The following CFAP43 variants were observed in gnomAD, a reference collection of about 807,000 sequenced individuals.
The protein encoded by CFAP43 is cilia- and flagella-associated protein 43.
Under a neutral mutation model 218.9 loss-of-function variants are expected in CFAP43, and 155 were observed. The observed-to-expected ratio is 0.71, with a 90% CI of 0.62 to 0.81. CFAP43 has a LOEUF of 0.81. Ranked by LOEUF, CFAP43 falls within the 30% of genes least tolerant of loss-of-function variation. The pLI is 0.00. For synonymous variants in CFAP43, 645 were observed against 681.3 expected (o/e 0.95, Z 0.83); for missense variants, 1,778 against 1,954.3 (o/e 0.91, Z 1.70).
intron 19 of CFAP43, among the ~76,000 whole-genome samples, chr10:104,175,195 G>A (rs1272184283): frequency 6.6e-6 from 1 of 152,192 alleles, no homozygotes. Context: ...AGCACTTTGG[G>A]AGGCCAAGGC....
chr10:104,137,207 A>G (rs1005368056), intron 34 of CFAP43, among the ~76,000 whole-genome samples: 1 of 152,240 alleles, frequency 6.6e-6, no homozygotes, highest in Non-Finnish European at 1.5e-5. Flanking sequence ...AAAGGTGGAA[A>G]TAGCCCAAAT....
intron 16 of CFAP43, among the ~76,000 whole-genome samples, chr10:104,184,635 A>G (rs1276921724): frequency 6.6e-6 from 1 of 151,996 alleles, no homozygotes; most frequent in East Asian, 1.9e-4. Context: ...GGCTTTCACA[A>G]TCGGGGCCAC....
At chr10:104,136,095 C>CA (rs1420760010) in intron 34 of CFAP43, among the ~76,000 whole-genome samples, 2 of 151,144 alleles carry the variant, frequency 1.3e-5, no homozygotes, top group African/African-American at 4.9e-5. Flanking sequence ...ACTAAAAATA[C>CA]AAAAATTAGC....
chr10:104,166,416 C>A, intron 23 of CFAP43, 72 bp downstream of exon 23: 1 of 1,084,634 alleles, frequency 9.2e-7, no homozygotes, highest in South Asian at 1.6e-5. Context: ...CATTTGTTTT[C>A]AATGTGAGGC....
intron 3 of CFAP43, among the ~76,000 whole-genome samples, chr10:104,217,207 G>A (rs904845837): frequency 2.0e-5 from 3 of 152,128 alleles, no homozygotes. Flanking sequence ...TCACAATGAG[G>A]ACCTAATATT....
At position 104,193,818 on chromosome 10, in the gene CFAP43, A is replaced by G. The variant is rs1383303703; in HGVS notation, c.1442+48T>C. ...AAGGATGGCTTCACTAGAATTTTCAACAGACGGGTGTGACACGGAGCCGCT... is the reference window on the plus strand; with the variant it reads ...AAGGATGGCTTCACTAGAATTTTCAGCAGACGGGTGTGACACGGAGCCGCT... On this transcript the variant is annotated intron_variant, in intron 11 of 37. Transcript: ENST00000357060. The G allele has an allele frequency of 2.5e-6, 4 of 1,575,728 alleles. No homozygotes were observed. The East Asian group carries it at 9.0e-5, about 36-fold the overall frequency.
chr10:104,137,584 G>A (rs193165696), intron 34 of CFAP43, among the ~76,000 whole-genome samples: 2 of 152,250 alleles, frequency 1.3e-5, no homozygotes, highest in Admixed American at 6.5e-5. Context: ...AAGGCAGGAG[G>A]ATCGCTTGAG....
chr10:104,175,471 C>T (rs1184306799), intron 19 of CFAP43, among the ~76,000 whole-genome samples: 1 of 152,124 alleles, frequency 6.6e-6, no homozygotes, highest in South Asian at 2.1e-4. Flanking sequence ...ACAGATGCTC[C>T]TCAACTTATG....
At chr10:104,144,158 T>C (rs1321292174) in intron 31 of CFAP43, among the ~76,000 whole-genome samples, 5 of 152,196 alleles carry the variant, frequency 3.3e-5, no homozygotes, top group Non-Finnish European at 7.3e-5. Flanking sequence ...ATCATCCCCA[T>C]TCTCTAGATG....
At chr10:104,133,415 G>T in intron 35 of CFAP43, 1 of 476,270 alleles carries the variant, frequency 2.1e-6, no homozygotes, top group Non-Finnish European at 3.6e-6. Flanking sequence ...GCTCTGAGTA[G>T]AATGATTCTA....
chr10:104,159,418 T>C (rs1161712009), intron 27 of CFAP43, among the ~76,000 whole-genome samples: 3 of 152,160 alleles, frequency 2.0e-5, no homozygotes, highest in African/African-American at 4.8e-5. Flanking sequence ...TATACAATTA[T>C]AGCATGTGTC....
At chr10:104,230,395 G>T (rs1461875542) in intron 2 of CFAP43, among the ~76,000 whole-genome samples, 195 bp downstream of exon 2, 1 of 152,084 alleles carries the variant, frequency 6.6e-6, no homozygotes, top group Non-Finnish European at 1.5e-5. Context: ...AACCTGGGAG[G>T]CAGAGATTGC....
At chr10:104,159,917 G>T (rs187095111) in intron 27 of CFAP43, among the ~76,000 whole-genome samples, 1 of 152,116 alleles carries the variant, frequency 6.6e-6, no homozygotes, top group Non-Finnish European at 1.5e-5. Context: ...ATGCAGATTC[G>T]CATTCAAGTG....
In CFAP43 at chr10:104,203,918, A is replaced by T. The variant is rs543837032; in HGVS notation, c.964-115T>A. The stretch of plus-strand genomic sequence containing the variant: ...CTTCTACTGCTTATTTGGAATCATC[A>T]TCTATGTTTGCATAGATGCACTGTC... On this transcript the variant is annotated intron_variant, in intron 7 of 37. Transcript: ENST00000357060. 2,424 of 952,110 alleles carry T rather than the reference A, an allele frequency of 2.5e-3. 19 individuals are homozygous for T. The highest frequency in any genetic ancestry group is 8.4e-3 in the Middle Eastern group (24 of 2,856). 59.0% of individuals were successfully genotyped at this position (952,110 alleles called of 1,614,324 possible).
At chr10:104,164,400 T>G (rs1015724423) in intron 23 of CFAP43, 100 bp from the exon 24 acceptor site, 1 of 200,098 alleles carries the variant, frequency 5.0e-6, no homozygotes, top group African/African-American at 6.1e-5. Context: ...ATTCCACAAA[T>G]TTTTTTTTTT....
rs564385470 is a variant in CFAP43, at chr10:104,215,065, G to T, written c.417-639C>A. On this transcript the variant is annotated intron_variant, in intron 3 of 37. Coordinates refer to ENST00000357060, the MANE Select transcript of CFAP43 (RefSeq NM_025145.7). ...CAGGAGCATCGCTTGAACCTGGGAGGCGGAGGTTGCAGTGAGCCAAGATTG... is the reference window on the plus strand; with the variant it reads ...CAGGAGCATCGCTTGAACCTGGGAGTCGGAGGTTGCAGTGAGCCAAGATTG... Among the ~76,000 whole-genome samples the T allele has an allele frequency of 3.7e-3, 566 of 152,106 alleles. 2 individuals carry two copies. Among genetic ancestry groups the T allele is most frequent in the Non-Finnish European group, 6.4e-3 (436 of 67,996 alleles).
At chr10:104,142,236 A>G in intron 33 of CFAP43, 45 bp downstream of exon 33, 2 of 1,532,644 alleles carry the variant, frequency 1.3e-6, no homozygotes, top group South Asian at 1.2e-5. Flanking sequence ...ATTTAGCCCT[A>G]ATTAGACTTT....
intron 34 of CFAP43, 38 bp downstream of exon 34, chr10:104,140,804 A>C: frequency 6.6e-7 from 1 of 1,504,622 alleles, no homozygotes; most frequent in South Asian, 1.3e-5. Context: ...TAACAAAGCA[A>C]GACCTTGAAT....
At chr10:104,180,539 G>C (rs2089797834) in intron 17 of CFAP43, among the ~76,000 whole-genome samples, 1 of 150,378 alleles carries the variant, frequency 6.6e-6, no homozygotes, top group Non-Finnish European at 1.5e-5. Context: ...TCCGCCTCCT[G>C]GGTTCATGCC....
Sources: allele counts gnomAD v4.1 joint callset (sites outside exome capture counted in the v4.1 genomes callset), GRCh38; gene constraint gnomAD v4.1.1; transcripts MANE v1.5; gene names NCBI Gene and HGNC (gene_info 2026-07-23, HGNC 2026-07-21).